DOCK2: variants seen among roughly 807,000 people sequenced by gnomAD.
The protein encoded by DOCK2 is dedicator of cytokinesis 2.
DOCK2 carries 87 observed loss-of-function variants against 248.9 expected under a neutral mutation model. The observed-to-expected ratio is 0.35, with a 90% CI of 0.29 to 0.42. The LOEUF (loss-of-function observed/expected upper bound fraction) is 0.42. Among genes scored for constraint, DOCK2 ranks in the 10% least tolerant of loss-of-function variants. The probability of loss-of-function intolerance (pLI) is 1.00; values close to 1 mark genes in which losing one functional copy is unlikely to be tolerated. For missense variants in DOCK2, 1,747 were observed against 2,300.2 expected, an observed-to-expected ratio of 0.76 and a Z score of 4.92; for synonymous variants, 805 against 821.6, an observed-to-expected ratio of 0.98 and a Z score of 0.35.
At chr5:169,788,665 T>C (rs17559708) in intron 25 of DOCK2, among the ~76,000 whole-genome samples, 31,857 of 152,162 alleles carry the variant, frequency 0.21, 4,134 homozygotes, top group Non-Finnish European at 0.29. Flanking sequence ...TCCATTGGGA[T>C]GTCATCTTTC....
intron 4 of DOCK2, 42 bp downstream of exon 4, chr5:169,670,639 A>C (rs1393400412): frequency 6.2e-7 from 1 of 1,609,218 alleles, no homozygotes; most frequent in East Asian, 2.2e-5. Flanking sequence ...CCAGTGGCTC[A>C]TGGATGTCTC....
At chr5:169,830,877 G>C (rs1298066749) in intron 26 of DOCK2, among the ~76,000 whole-genome samples, 3 of 152,162 alleles carry the variant, frequency 2.0e-5, no homozygotes, top group African/African-American at 4.8e-5. Context: ...TGGGACGGGA[G>C]ACCTGCTGGG....
intron 1 of DOCK2, among the ~76,000 whole-genome samples, chr5:169,650,018 G>C (rs1757711375): frequency 6.6e-6 from 1 of 152,120 alleles, no homozygotes; most frequent in Non-Finnish European, 1.5e-5. Flanking sequence ...TGGCCAGGCT[G>C]GTCTCAAACT....
intron 38 of DOCK2, among the ~76,000 whole-genome samples, chr5:170,043,678 T>C (rs1756596140): frequency 6.6e-6 from 1 of 152,236 alleles, no homozygotes; most frequent in Admixed American, 6.5e-5. Context: ...ATTATAAGCC[T>C]CTTGAGGGCA....
intron 35 of DOCK2, 38 bp downstream of exon 35, chr5:170,034,593 C>A: frequency 6.2e-7 from 1 of 1,609,394 alleles, no homozygotes; most frequent in African/African-American, 1.3e-5. Flanking sequence ...GACCAGAACC[C>A]TGTGGGGGGG....
chr5:169,954,220 T>G (rs546428865), intron 27 of DOCK2, among the ~76,000 whole-genome samples: 1 of 152,262 alleles, frequency 6.6e-6, no homozygotes, highest in Non-Finnish European at 1.5e-5. Flanking sequence ...GACTAACTCA[T>G]GGCTATGAAG....
At chr5:169,802,055 T>C (rs1175854090) in intron 25 of DOCK2, among the ~76,000 whole-genome samples, 1 of 152,174 alleles carries the variant, frequency 6.6e-6, no homozygotes, top group Non-Finnish European at 1.5e-5. Context: ...GTTTTCTGTT[T>C]TCAAGGGAAA....
chr5:169,684,830 A>G (rs1289864669), intron 8 of DOCK2, among the ~76,000 whole-genome samples: 1 of 152,046 alleles, frequency 6.6e-6, no homozygotes, highest in South Asian at 2.1e-4. Flanking sequence ...TTAATTTTTT[A>G]TAGAGGCAGG....
chr5:169,953,812 C>A (rs1476921168), intron 27 of DOCK2, among the ~76,000 whole-genome samples: 1 of 152,196 alleles, frequency 6.6e-6, no homozygotes, highest in Non-Finnish European at 1.5e-5. Context: ...GGTAAGGTGG[C>A]TAAGAGCATG....
At chr5:169,699,842 A>C (rs112750589) in intron 12 of DOCK2, among the ~76,000 whole-genome samples, 172 bp from the exon 13 acceptor site, 1,825 of 152,366 alleles carry the variant, frequency 0.012, 16 homozygotes, top group Admixed American at 0.022. Context: ...AGCGGGATTC[A>C]GACCCAGAGA....
At chr5:169,826,082 T>G (rs1177887474) in intron 26 of DOCK2, among the ~76,000 whole-genome samples, 2 of 152,120 alleles carry the variant, frequency 1.3e-5, no homozygotes, top group Admixed American at 1.3e-4. Context: ...ATTCATTCTT[T>G]CATCCAACCA....
chr5:170,072,625 A>G (rs1273972333), intron 46 of DOCK2, among the ~76,000 whole-genome samples: 1 of 152,110 alleles, frequency 6.6e-6, no homozygotes, highest in Non-Finnish European at 1.5e-5. Context: ...GGCTAAATCA[A>G]TTTTCACTCC....
chr5:169,714,608 T>C lies in DOCK2; in HGVS notation c.1941+151T>C, dbSNP rs564394037. Reference sequence around the variant, plus strand: ...CTCTCCCGAGTTGCCTTGAGGAATCTTTATTGGGAAATCCAGGGGAGTGAC... The same window carrying C: ...CTCTCCCGAGTTGCCTTGAGGAATCCTTATTGGGAAATCCAGGGGAGTGAC... On this transcript the variant is annotated intron_variant, in intron 19 of 51. Transcript: ENST00000520908. The C allele has an allele frequency of 2.5e-5, 20 of 790,942 alleles. No individual in the cohort carries two copies. The African/African-American group carries it at 3.1e-4, about 12-fold the overall frequency. 49.0% of individuals were successfully genotyped at this position (790,942 alleles called of 1,614,324 possible).
intron 27 of DOCK2, among the ~76,000 whole-genome samples, chr5:169,932,456 G>T (rs1775800729): frequency 6.6e-6 from 1 of 152,176 alleles, no homozygotes. Flanking sequence ...CAAGAGAGAG[G>T]GAGGCTTTGG....
chr5:169,835,452 A>G (rs1193960362), intron 26 of DOCK2, among the ~76,000 whole-genome samples: 1 of 151,814 alleles, frequency 6.6e-6, no homozygotes, highest in East Asian at 1.9e-4. Context: ...ACGGGGTTTC[A>G]CCATGTTGGC....
intron 29 of DOCK2, among the ~76,000 whole-genome samples, chr5:169,990,847 C>T (rs1778188170): frequency 6.6e-6 from 1 of 152,246 alleles, no homozygotes; most frequent in South Asian, 2.1e-4. Flanking sequence ...CATGATACTG[C>T]CTGTGGGCAT....
Position 169,992,887 on chromosome 5 carries a change from C to G in DOCK2, c.2994-3199C>G, listed in dbSNP as rs146563331. ...TTCCAGTGTGTGGCTATGAAAGACT[C>G]TAGAGAAAGGGAGGAACTTTGATTT... On this transcript the variant is annotated intron_variant, in intron 29 of 51. Coordinates refer to ENST00000520908, the MANE Select transcript of DOCK2 (RefSeq NM_004946.3). 3.2e-4 allele frequency among the ~76,000 whole-genome samples: 48 copies of G among 152,290 alleles called. No homozygotes were observed. The East Asian group carries it at 5.4e-3, about 17-fold the overall frequency.
intron 27 of DOCK2, among the ~76,000 whole-genome samples, chr5:169,846,609 TAC>T (rs36021201): frequency 0.66 from 99,701 of 150,756 alleles, 34,285 homozygotes; most frequent in African/African-American, 0.87. Context: ...CACACACATA[TAC>T]ACACACACAC....
chr5:170,042,930 G>A (rs1180886925), intron 38 of DOCK2, among the ~76,000 whole-genome samples: 1 of 152,242 alleles, frequency 6.6e-6, no homozygotes, highest in Non-Finnish European at 1.5e-5. Context: ...CAGTGAATAT[G>A]TAGGCCTATG....
Sources: gnomAD v4.1 joint callset for allele counts (sites outside exome capture counted in the v4.1 genomes callset) on GRCh38, gnomAD v4.1.1 for gene constraint, MANE v1.5 for transcripts, NCBI Gene and HGNC (gene_info 2026-07-23, HGNC 2026-07-21) for gene names.